CNTNAP5: variants seen among roughly 807,000 people sequenced by gnomAD.
CNTNAP5 encodes the protein contactin associated protein family member 5.
In CNTNAP5, 72 loss-of-function variants were observed where a neutral mutation model predicts 150.2. That is an observed-to-expected ratio of 0.48 (90% CI 0.40 to 0.58). The LOEUF (loss-of-function observed/expected upper bound fraction) is 0.58. Ranked by LOEUF, CNTNAP5 falls within the 20% of genes least tolerant of loss-of-function variation. The pLI, the probability that CNTNAP5 is intolerant of heterozygous loss-of-function variation, is 0.00. For synonymous variants in CNTNAP5, 672 were observed against 619.8 expected (o/e 1.08, Z -1.25); for missense variants, 1,636 against 1,626.2 (o/e 1.01, Z -0.10).
intron 7 of CNTNAP5, among the ~76,000 whole-genome samples, chr2:124,497,391 A>G (rs1694175001): frequency 6.6e-6 from 1 of 152,218 alleles, no homozygotes; most frequent in Non-Finnish European, 1.5e-5. Flanking sequence ...TATGCAGCCA[A>G]CATAGGGTTG....
Position 124,164,694 on chromosome 2 carries a change from C to A in CNTNAP5, c.83-57011C>A, listed in dbSNP as rs140158456. 5.6e-3 allele frequency among the ~76,000 whole-genome samples: 852 copies of A among 152,124 alleles called. 9 individuals are homozygous for A. Among genetic ancestry groups the A allele is most frequent in the African/African-American group, 0.019 (780 of 41,518 alleles). On this transcript the variant is annotated intron_variant, in intron 1 of 23. Transcript: ENST00000682447. ...AGGCAGAAAGGGAGAAGAGAGAGGCCAAGGACAGATTACACAGGGCCACGT... is the reference window on the plus strand; with the variant it reads ...AGGCAGAAAGGGAGAAGAGAGAGGCAAAGGACAGATTACACAGGGCCACGT...
intron 11 of CNTNAP5, among the ~76,000 whole-genome samples, chr2:124,599,231 G>A (rs1696920982): frequency 6.6e-6 from 1 of 152,108 alleles, no homozygotes; most frequent in Non-Finnish European, 1.5e-5. Context: ...TATGAGGAGT[G>A]GATTTAATTT....
intron 1 of CNTNAP5, among the ~76,000 whole-genome samples, chr2:124,142,893 G>C (rs1275129016): frequency 6.7e-6 from 1 of 149,738 alleles, no homozygotes; most frequent in Non-Finnish European, 1.5e-5. Context: ...TAGACCGCTA[G>C]CAAGACTAAT....
intron 1 of CNTNAP5, among the ~76,000 whole-genome samples, chr2:124,197,753 G>A (rs1017497886): frequency 6.6e-6 from 1 of 152,064 alleles, no homozygotes; most frequent in Non-Finnish European, 1.5e-5. Flanking sequence ...AGCCTGAGGC[G>A]GGCGGATCAC....
intron 11 of CNTNAP5, among the ~76,000 whole-genome samples, chr2:124,603,421 C>T (rs77864635): frequency 0.017 from 2,516 of 152,198 alleles, 35 homozygotes; most frequent in African/African-American, 0.04. Flanking sequence ...TAAGATTGAC[C>T]CATGAGTTCA....
intron 13 of CNTNAP5, among the ~76,000 whole-genome samples, chr2:124,741,593 T>A (rs984769858): frequency 2.0e-5 from 3 of 152,200 alleles, no homozygotes; most frequent in Admixed American, 6.5e-5. Flanking sequence ...ATAAAACATA[T>A]ATATTTTCTC....
chr2:124,906,742 G>A (rs1678545660), intron 22 of CNTNAP5, among the ~76,000 whole-genome samples: 1 of 152,000 alleles, frequency 6.6e-6, no homozygotes. Context: ...AACCTGAGTA[G>A]GATATTTAAA....
At chr2:124,397,033 A>T (rs1234591615) in intron 3 of CNTNAP5, among the ~76,000 whole-genome samples, 1 of 152,234 alleles carries the variant, frequency 6.6e-6, no homozygotes, top group Non-Finnish European at 1.5e-5. Context: ...GTCTTAGCAC[A>T]TCACTATATT....
At chr2:124,312,103 A>G (rs74837573) in intron 3 of CNTNAP5, among the ~76,000 whole-genome samples, 10,471 of 152,256 alleles carry the variant, frequency 0.069, 439 homozygotes, top group South Asian at 0.13. Context: ...GCTGAATGGA[A>G]GTAGGTGACC....
At chr2:124,094,647 T>C (rs1383329130) in intron 1 of CNTNAP5, among the ~76,000 whole-genome samples, 1 of 152,260 alleles carries the variant, frequency 6.6e-6, no homozygotes, top group East Asian at 1.9e-4. Context: ...AAAACACTGC[T>C]GTATAGAGGC....
intron 10 of CNTNAP5, among the ~76,000 whole-genome samples, chr2:124,532,113 C>T (rs558649949): frequency 6.6e-6 from 1 of 152,236 alleles, no homozygotes; most frequent in Admixed American, 6.5e-5. Context: ...TAATAACAAG[C>T]AGTTCCAAGA....
chr2:124,758,793 G>A lies in CNTNAP5; in HGVS notation c.2235-4879G>A, dbSNP rs1035293275. Among the ~76,000 whole-genome samples the A allele has an allele frequency of 2.6e-5, 4 of 152,190 alleles. No homozygotes were observed. The East Asian group carries it at 7.8e-4, about 30-fold the overall frequency. ...TACAACATAAAGAGAGAGCTTAATTGAAGGAGAAAGTGCCCTGAGAAGTCA... is the reference window on the plus strand; with the variant it reads ...TACAACATAAAGAGAGAGCTTAATTAAAGGAGAAAGTGCCCTGAGAAGTCA... On this transcript the variant is annotated intron_variant, in intron 14 of 23. Transcript: ENST00000682447.
At chr2:124,665,470 G>A (rs1678678387) in intron 13 of CNTNAP5, among the ~76,000 whole-genome samples, 2 of 152,136 alleles carry the variant, frequency 1.3e-5, no homozygotes, top group African/African-American at 2.4e-5. Flanking sequence ...TATTTGGAAA[G>A]CATTATTTTA....
At chr2:124,904,405 G>A (rs1246506087) in intron 22 of CNTNAP5, among the ~76,000 whole-genome samples, 1 of 151,746 alleles carries the variant, frequency 6.6e-6, no homozygotes, top group African/African-American at 2.4e-5. Context: ...ATATCTTGGC[G>A]ATTGTGAATA....
At chr2:124,892,556 C>A (rs1208802019) in intron 21 of CNTNAP5, among the ~76,000 whole-genome samples, 1 of 152,188 alleles carries the variant, frequency 6.6e-6, no homozygotes, top group South Asian at 2.1e-4. Flanking sequence ...CTGTAGGAGG[C>A]AGAGAAGGGA....
intron 8 of CNTNAP5, among the ~76,000 whole-genome samples, chr2:124,519,187 G>A (rs528274750): frequency 2.3e-3 from 349 of 152,042 alleles, no homozygotes; most frequent in African/African-American, 8.1e-3. Context: ...GGCTGGAGGT[G>A]CAGGGATAAG....
intron 3 of CNTNAP5, among the ~76,000 whole-genome samples, chr2:124,361,326 A>T (rs1690191682): frequency 6.9e-6 from 1 of 144,892 alleles, no homozygotes; most frequent in South Asian, 2.2e-4. Context: ...GTCATTCTCC[A>T]TCCAGCTTTG....
chr2:124,660,525 T>G (rs1336471854), intron 13 of CNTNAP5, among the ~76,000 whole-genome samples: 2 of 152,308 alleles, frequency 1.3e-5, no homozygotes, highest in Non-Finnish European at 2.9e-5. Context: ...ATTTTAATAA[T>G]ATGTTATTTT....
At chr2:124,428,467 G>A (rs1692293238) in intron 4 of CNTNAP5, among the ~76,000 whole-genome samples, 1 of 152,206 alleles carries the variant, frequency 6.6e-6, no homozygotes, top group South Asian at 2.1e-4. Flanking sequence ...GCTTTGGGAA[G>A]ATGGTGGGGA....
Sources: allele counts gnomAD v4.1 joint callset (sites outside exome capture counted in the v4.1 genomes callset), GRCh38; gene constraint gnomAD v4.1.1; transcripts MANE v1.5; gene names NCBI Gene and HGNC (gene_info 2026-07-23, HGNC 2026-07-21).